REC114: variants seen among roughly 807,000 people sequenced by gnomAD.
The protein encoded by REC114 is meiotic recombination protein REC114.
REC114 carries 27 observed loss-of-function variants against 31.3 expected under a neutral mutation model. The ratio of observed to expected loss-of-function variants is 0.86; its 90% CI spans 0.64 to 1.19. The LOEUF is 1.19. Ranked by LOEUF, REC114 falls within the 50% of genes most tolerant of loss-of-function variation. The probability of loss-of-function intolerance (pLI) is 0.00; values close to 1 mark genes in which losing one functional copy is unlikely to be tolerated. For missense variants in REC114, 344 were observed against 326.9 expected (o/e 1.05, Z -0.40); for synonymous variants, 134 against 127.7 (o/e 1.05, Z -0.33).
At chr15:73,461,118 G>A (rs1162126105) in intron 1 of REC114, among the ~76,000 whole-genome samples, 1 of 152,016 alleles carries the variant, frequency 6.6e-6, no homozygotes, top group Non-Finnish European at 1.5e-5. Flanking sequence ...TGGTGGTGGG[G>A]AAGGTCTGCG....
chr15:73,474,253 A>G (rs1050014433), intron 2 of REC114, among the ~76,000 whole-genome samples: 1 of 152,206 alleles, frequency 6.6e-6, no homozygotes, highest in African/African-American at 2.4e-5. Context: ...TAGGGAAAAC[A>G]GCATATGCAG....
At chr15:73,540,638 C>T (rs1466889551) in intron 3 of REC114, 70 bp downstream of exon 3, 4 of 1,318,166 alleles carry the variant, frequency 3.0e-6, no homozygotes, top group Non-Finnish European at 4.4e-6. Context: ...TATTTGGGGG[C>T]ATCTCTTGGT....
intron 1 of REC114, among the ~76,000 whole-genome samples, chr15:73,470,270 C>A (rs1352088129): frequency 6.6e-6 from 1 of 152,006 alleles, no homozygotes; most frequent in Non-Finnish European, 1.5e-5. Flanking sequence ...TCAATATAAT[C>A]CCATTTATCA....
At chr15:73,549,206 C>G (rs758531105) in intron 3 of REC114, among the ~76,000 whole-genome samples, 4 of 152,134 alleles carry the variant, frequency 2.6e-5, no homozygotes, top group Non-Finnish European at 5.9e-5. Flanking sequence ...GATCTTGTTA[C>G]TTACAACAAC....
intron 2 of REC114, among the ~76,000 whole-genome samples, chr15:73,529,602 C>T (rs1331925810): frequency 6.6e-6 from 1 of 152,074 alleles, no homozygotes; most frequent in Non-Finnish European, 1.5e-5. Context: ...TGTGATGGCT[C>T]ATCACACTGT....
intron 5 of REC114, among the ~76,000 whole-genome samples, chr15:73,557,009 C>T (rs1307476202): frequency 6.6e-6 from 1 of 151,886 alleles, no homozygotes; most frequent in Middle Eastern, 3.4e-3. Flanking sequence ...TTCAAGCCAG[C>T]AGCTTCTGCT....
At chr15:73,513,824 T>C (rs893681010) in intron 2 of REC114, among the ~76,000 whole-genome samples, 1 of 151,784 alleles carries the variant, frequency 6.6e-6, no homozygotes, top group Non-Finnish European at 1.5e-5. Flanking sequence ...AGCTGCGTGC[T>C]GGGAGAACCA....
intron 2 of REC114, among the ~76,000 whole-genome samples, chr15:73,516,318 C>T (rs1314148034): frequency 6.6e-6 from 1 of 152,014 alleles, no homozygotes; most frequent in African/African-American, 2.4e-5. Context: ...AATTAAGGTT[C>T]TGATTGTTAG....
At chr15:73,488,119 A>C (rs1216637655) in intron 2 of REC114, among the ~76,000 whole-genome samples, 1 of 152,172 alleles carries the variant, frequency 6.6e-6, no homozygotes, top group Non-Finnish European at 1.5e-5. Context: ...GGCAGCCTGG[A>C]GCAGTGAGCA....
At chr15:73,531,342 C>T (rs1344249364) in intron 2 of REC114, among the ~76,000 whole-genome samples, 3 of 152,168 alleles carry the variant, frequency 2.0e-5, no homozygotes, top group Non-Finnish European at 4.4e-5. Context: ...TTCTTAGGTA[C>T]TTTTCTCCCT....
At position 73,551,159 on chromosome 15, in the gene REC114, G is replaced by T; in HGVS notation, c.546+9G>T. The T allele has an allele frequency of 6.3e-7, 1 of 1,589,658 alleles. No individual in the cohort carries two copies. The highest frequency in any genetic ancestry group is 8.6e-7 in the Non-Finnish European group (1 of 1,167,920). On this transcript the variant is annotated intron_variant, in intron 4 of 5. Coordinates refer to ENST00000331090, the MANE Select transcript of REC114 (RefSeq NM_001042367.2). ...TCCCACGGCAGCCTGGAGTAAGTAG[G>T]CTGATGTGTTGGTTATACAGGAAAC...
chr15:73,461,860 A>T (rs558022961), intron 1 of REC114, among the ~76,000 whole-genome samples: 2 of 147,484 alleles, frequency 1.4e-5, no homozygotes, highest in African/African-American at 5.0e-5. Flanking sequence ...ACCCCTTAAC[A>T]TTAATGTCTT....
Position 73,559,732 on chromosome 15 carries a change from C to T in REC114, c.637-20C>T. 8 of 1,524,204 alleles carry T rather than the reference C, an allele frequency of 5.2e-6. No individual in the cohort carries two copies. The highest frequency in any genetic ancestry group is 7.0e-6 in the Non-Finnish European group (8 of 1,143,410). The allele number at this position is 1,524,204 out of a possible 1,614,324, so 94.4% of individuals were successfully genotyped here. On this transcript the variant is annotated intron_variant, in intron 5 of 5. Transcript: ENST00000331090. ...TGCTTTTACCTGTAATCTGTAACGA[C>T]TTTTCTGGTATCCCTGCAGACTCTT... is the stretch of plus-strand genomic sequence containing the variant.
intron 1 of REC114, among the ~76,000 whole-genome samples, chr15:73,446,387 C>G (rs1892765262): frequency 6.6e-6 from 1 of 152,184 alleles, no homozygotes; most frequent in African/African-American, 2.4e-5. Context: ...TGCCTGTAAT[C>G]CCAGCACTTT....
chr15:73,473,907 G>A lies in REC114; in HGVS notation c.235G>A (p.Gly79Arg). Residue 79 changes from glycine (G) to arginine (R), a missense_variant, in exon 2 of 6, where the codon GGA becomes AGA. Transcript: ENST00000331090. The stretch of plus-strand genomic sequence containing the variant: ...ATCAGGTCATTTCTTCATTTTCCAA[G>A]GACAGACACTACTGGTAGGTTTTAT... Reference protein sequence around the residue: ...VISGHFFIFQGQTLLEGFSLI... With the variant: ...VISGHFFIFQRQTLLEGFSLI... 1.3e-6 allele frequency: 2 copies of A among 1,575,568 alleles called. No homozygotes were observed. Among genetic ancestry groups the A allele is most frequent in the Non-Finnish European group, 1.7e-6 (2 of 1,154,724 alleles).
At chr15:73,538,131 T>C (rs530781425) in intron 2 of REC114, among the ~76,000 whole-genome samples, 1 of 152,354 alleles carries the variant, frequency 6.6e-6, no homozygotes, top group South Asian at 2.1e-4. Context: ...ATTTAAAAAA[T>C]GAAAGCAGTG....
At chr15:73,486,303 G>T (rs1020621259) in intron 2 of REC114, among the ~76,000 whole-genome samples, 18 of 152,052 alleles carry the variant, frequency 1.2e-4, no homozygotes, top group Non-Finnish European at 2.9e-5. Flanking sequence ...TCACCATGTT[G>T]GTCAGGCTGG....
chr15:73,453,818 A>G (rs1438969623), intron 1 of REC114, among the ~76,000 whole-genome samples: 1 of 152,222 alleles, frequency 6.6e-6, no homozygotes, highest in East Asian at 1.9e-4. Flanking sequence ...TGTCCTTTGC[A>G]GGGACATGGA....
intron 2 of REC114, among the ~76,000 whole-genome samples, chr15:73,515,477 G>A (rs1179754528): frequency 6.6e-6 from 1 of 152,086 alleles, no homozygotes; most frequent in Non-Finnish European, 1.5e-5. Context: ...TGGGCTTTTA[G>A]GGCCTGAATT....
Sources: allele counts gnomAD v4.1 joint callset (sites outside exome capture counted in the v4.1 genomes callset), GRCh38; gene constraint gnomAD v4.1.1; transcripts MANE v1.5; gene names NCBI Gene and HGNC (gene_info 2026-07-23, HGNC 2026-07-21).